Variants in NEK1 observed in about 807,000 individuals in gnomAD.
NEK1 encodes serine/threonine-protein kinase Nek1.
NEK1 carries 137 observed loss-of-function variants against 182.1 expected under a neutral mutation model. The ratio of observed to expected loss-of-function variants is 0.75; its 90% confidence interval spans 0.65 to 0.87. NEK1 has a LOEUF of 0.87. NEK1 is among the 40% of genes least tolerant of loss of function. NEK1 has a pLI of 0.00. For synonymous variants in NEK1, 513 were observed against 492.2 expected (o/e 1.04, Z -0.56); for missense variants, 1,391 against 1,494.4 (o/e 0.93, Z 1.14).
chr4:169,419,050 T>A (rs1317559101), intron 31 of NEK1, among the ~76,000 whole-genome samples: 1 of 152,100 alleles, frequency 6.6e-6, no homozygotes, highest in African/African-American at 2.4e-5. Flanking sequence ...GTGATGCTGA[T>A]ATAAACAAAC....
intron 26 of NEK1, among the ~76,000 whole-genome samples, chr4:169,472,870 G>A (rs992837082): frequency 5.9e-5 from 9 of 152,082 alleles, no homozygotes; most frequent in African/African-American, 2.2e-4. Flanking sequence ...TTCTAAAACA[G>A]AACACAGGCA....
intron 23 of NEK1, among the ~76,000 whole-genome samples, chr4:169,506,280 AG>A (rs1753237062): frequency 6.6e-6 from 1 of 152,166 alleles, no homozygotes; most frequent in South Asian, 2.1e-4. Context: ...AGAGCAAAGG[AG>A]AAAGCCCAAA....
At chr4:169,407,124 G>A (rs1169266735) in intron 31 of NEK1, among the ~76,000 whole-genome samples, 2 of 152,106 alleles carry the variant, frequency 1.3e-5, no homozygotes, top group Non-Finnish European at 2.9e-5. Context: ...AATCTGTCAG[G>A]AATCAGGCAG....
At chr4:169,590,566 C>G (rs1434625600) in intron 6 of NEK1, among the ~76,000 whole-genome samples, 160 bp downstream of exon 6, 2 of 151,830 alleles carry the variant, frequency 1.3e-5, no homozygotes, top group Non-Finnish European at 2.9e-5. Flanking sequence ...GGGAAGCAAG[C>G]AGGAGATCTA....
At chr4:169,429,179 T>C (rs1002450217) in intron 29 of NEK1, among the ~76,000 whole-genome samples, 1 of 152,214 alleles carries the variant, frequency 6.6e-6, no homozygotes, top group Non-Finnish European at 1.5e-5. Context: ...ATACGAAGGA[T>C]ACTGGAACCA....
intron 19 of NEK1, among the ~76,000 whole-genome samples, chr4:169,534,316 C>T (rs1160559929): frequency 6.6e-6 from 1 of 152,118 alleles, no homozygotes; most frequent in African/African-American, 2.4e-5. Context: ...CAGCTGCCCA[C>T]CTTACTGACT....
intron 5 of NEK1, among the ~76,000 whole-genome samples, chr4:169,595,922 CAAAAAA>C (rs56313001): frequency 1.5e-5 from 1 of 67,200 alleles, no homozygotes; most frequent in East Asian, 4.0e-4. Context: ...GACTCCACCT[CAAAAAA>C]AAAAAAAAAA....
rs76769578 is a variant in NEK1 at position 169,523,379 on chromosome 4, G to A, written c.1665+14430C>T. On this transcript the variant is annotated intron_variant, in intron 19 of 35. Transcript: ENST00000507142. ...GAATAGGTCCTAATTCAGTAGGACT[G>A]GTGTCCCTATAAAAAGGGAAAATTT... 8.0e-3 allele frequency among the ~76,000 whole-genome samples: 1,220 copies of A among 152,256 alleles called. 13 individuals carry two copies. Among genetic ancestry groups the A allele is most frequent in the African/African-American group, 0.028 (1,165 of 41,532 alleles).
chr4:169,545,984 T>C (rs1760366074), intron 18 of NEK1, among the ~76,000 whole-genome samples: 1 of 152,120 alleles, frequency 6.6e-6, no homozygotes, highest in Admixed American at 6.5e-5. Flanking sequence ...ATCGTGAAAA[T>C]GGCCATACTG....
At chr4:169,413,217 G>C (rs764615406) in intron 31 of NEK1, among the ~76,000 whole-genome samples, 8 of 151,376 alleles carry the variant, frequency 5.3e-5, no homozygotes, top group East Asian at 3.9e-4. Context: ...ATCCAGGCTG[G>C]AGCGTGACGG....
chr4:169,410,258 T>TCAAACAGGAGTAC (rs1733437163), intron 31 of NEK1, among the ~76,000 whole-genome samples: 1 of 152,192 alleles, frequency 6.6e-6, no homozygotes, highest in South Asian at 2.1e-4. Flanking sequence ...CATTATAAGT[T>TCAAACAGGAGTAC]CAAACAGGAG....
At chr4:169,580,488 T>G (rs76278875) in intron 11 of NEK1, among the ~76,000 whole-genome samples, 1 of 91,182 alleles carries the variant, frequency 1.1e-5, no homozygotes. Context: ...GAGCGAAACT[T>G]CATCTCAAAA....
chr4:169,532,680 G>A (rs1235244909), intron 19 of NEK1, among the ~76,000 whole-genome samples: 1 of 151,988 alleles, frequency 6.6e-6, no homozygotes, highest in African/African-American at 2.4e-5. Context: ...ATACCTGAGT[G>A]GCTCATCCCA....
chr4:169,552,646 A>T (rs541983206), intron 18 of NEK1, among the ~76,000 whole-genome samples: 1 of 152,152 alleles, frequency 6.6e-6, no homozygotes, highest in Non-Finnish European at 1.5e-5. Flanking sequence ...AGGAAGAAAT[A>T]TAACTGTCTT....
chr4:169,429,015 T>C (rs976650738), intron 29 of NEK1, among the ~76,000 whole-genome samples: 6 of 152,224 alleles, frequency 3.9e-5, no homozygotes, highest in African/African-American at 1.4e-4. Flanking sequence ...CTGAACTTCA[T>C]GCATCTACTT....
At chr4:169,402,963 T>C (rs142024057) in intron 32 of NEK1, among the ~76,000 whole-genome samples, 280 of 152,338 alleles carry the variant, frequency 1.8e-3, no homozygotes, top group African/African-American at 6.6e-3. Context: ...GGATTTCATC[T>C]ATCAGGAAGG....
At chr4:169,575,936 CATTTT>C (rs1580893556) in intron 12 of NEK1, among the ~76,000 whole-genome samples, 1 of 151,582 alleles carries the variant, frequency 6.6e-6, no homozygotes, top group Admixed American at 6.6e-5. Context: ...TACAATCTCT[CATTTT>C]ATTATTATAA....
intron 6 of NEK1, 108 bp from the exon 7 acceptor site, chr4:169,589,622 T>A: frequency 1.5e-6 from 1 of 668,788 alleles, no homozygotes; most frequent in Non-Finnish European, 2.5e-6. Context: ...TGTGCTAGAG[T>A]AACTGGATAT....
At chr4:169,570,560 G>C (rs1361864810) in intron 12 of NEK1, among the ~76,000 whole-genome samples, 1 of 149,214 alleles carries the variant, frequency 6.7e-6, no homozygotes, top group Non-Finnish European at 1.5e-5. Context: ...AGGTGGGGGG[G>C]TCAGCCCCCC....
Sources: allele counts gnomAD v4.1 joint callset (sites outside exome capture counted in the v4.1 genomes callset), GRCh38; gene constraint gnomAD v4.1.1; transcripts MANE v1.5; gene names NCBI Gene and HGNC (gene_info 2026-07-23, HGNC 2026-07-21).